LRRIQ3: variants seen among roughly 807,000 people sequenced by gnomAD.
LRRIQ3 encodes the protein leucine-rich repeat and IQ domain-containing protein 3.
Under a neutral mutation model 59.3 loss-of-function variants are expected in LRRIQ3, and 75 were observed. That is an observed-to-expected ratio of 1.26 (90% CI 1.05 to 1.53). The LOEUF (loss-of-function observed/expected upper bound fraction) is 1.53, where lower values mean the gene tolerates loss of function less well. LRRIQ3 is among the 40% of genes most tolerant of loss of function. LRRIQ3 has a pLI of 0.00. For missense variants in LRRIQ3, 831 were observed against 710.0 expected, an observed-to-expected ratio of 1.17 and a Z score of -1.94; for synonymous variants, 250 against 231.3, an observed-to-expected ratio of 1.08 and a Z score of -0.73.
intron 4 of LRRIQ3, among the ~76,000 whole-genome samples, chr1:74,112,683 C>T (rs1478978115): frequency 6.6e-6 from 1 of 152,138 alleles, no homozygotes; most frequent in Non-Finnish European, 1.5e-5. Flanking sequence ...TACCACTGTC[C>T]TACCAAGAGC....
At chr1:74,111,321 C>T (rs1011997151) in intron 4 of LRRIQ3, among the ~76,000 whole-genome samples, 7 of 151,826 alleles carry the variant, frequency 4.6e-5, no homozygotes, top group Non-Finnish European at 1.0e-4. Flanking sequence ...ATAGTCTGGT[C>T]TGGGATAATA....
chr1:74,118,699 T>C (rs1646811419), intron 4 of LRRIQ3, among the ~76,000 whole-genome samples: 1 of 152,030 alleles, frequency 6.6e-6, no homozygotes, highest in South Asian at 2.1e-4. Context: ...GAGATATATA[T>C]ATAGAGAGAG....
chr1:74,052,111 G>C (rs1654388924), intron 6 of LRRIQ3, among the ~76,000 whole-genome samples: 1 of 151,980 alleles, frequency 6.6e-6, no homozygotes, highest in Non-Finnish European at 1.5e-5. Context: ...CTAAGATCAG[G>C]ATCTTAATTT....
In LRRIQ3 at chr1:74,030,599, C is replaced by G. The variant is rs548133391; in HGVS notation, c.1719-3630G>C. On this transcript the variant is annotated intron_variant, in intron 7 of 7. Transcript: ENST00000354431. ...CTGGATCCCTTCCTTACACCTTATA[C>G]AAAAATTAATTCAAGATGGATTAAA... 2.6e-5 allele frequency among the ~76,000 whole-genome samples: 4 copies of G among 152,232 alleles called. No individual in the cohort carries two copies. In the South Asian group the frequency reaches 8.3e-4, roughly 32 times the overall value.
At chr1:74,173,585 T>A (rs1273267026) in intron 3 of LRRIQ3, among the ~76,000 whole-genome samples, 1 of 152,068 alleles carries the variant, frequency 6.6e-6, no homozygotes, top group Non-Finnish European at 1.5e-5. Context: ...TAAGCTGCTA[T>A]AAATTATTGT....
chr1:74,074,576 A>G (rs575777483), intron 6 of LRRIQ3, 85 bp downstream of exon 6: 1 of 595,202 alleles, frequency 1.7e-6, no homozygotes, highest in African/African-American at 2.0e-5. Context: ...ATACTTGCAA[A>G]TCAACATGCC....
intron 3 of LRRIQ3, among the ~76,000 whole-genome samples, chr1:74,156,599 CA>C (rs1299210853): frequency 6.6e-6 from 1 of 152,076 alleles, no homozygotes; most frequent in Non-Finnish European, 1.5e-5. Context: ...GGTAGTGGCA[CA>C]AACAGGTGTC....
chr1:74,157,129 A>T (rs1158081080), intron 3 of LRRIQ3, among the ~76,000 whole-genome samples: 2 of 152,032 alleles, frequency 1.3e-5, no homozygotes, highest in Non-Finnish European at 2.9e-5. Context: ...TTCTATTCCC[A>T]ACATTAGCTA....
intron 4 of LRRIQ3, among the ~76,000 whole-genome samples, chr1:74,122,710 T>G (rs1042110439): frequency 6.6e-6 from 1 of 152,058 alleles, no homozygotes; most frequent in Admixed American, 6.6e-5. Flanking sequence ...ATGTTAGACA[T>G]AAAACCATAA....
intron 4 of LRRIQ3, among the ~76,000 whole-genome samples, chr1:74,112,135 T>C (rs1223096567): frequency 6.6e-6 from 1 of 152,122 alleles, no homozygotes; most frequent in African/African-American, 2.4e-5. Flanking sequence ...AGCACTCTAT[T>C]TGTGAATGTC....
rs139277796 is a variant in LRRIQ3, at chr1:74,152,528, T to C, written c.707+3205A>G. ...GTAGGATTAAGCTAATGAGTAAAATTAATAATGTTGGCAACCAAAATTCAA... is the reference window on the plus strand; with the variant it reads ...GTAGGATTAAGCTAATGAGTAAAATCAATAATGTTGGCAACCAAAATTCAA... On this transcript the variant is annotated intron_variant, in intron 4 of 7. Coordinates refer to ENST00000354431, the MANE Select transcript of LRRIQ3 (RefSeq NM_001105659.2). Among the ~76,000 whole-genome samples the C allele has an allele frequency of 3.8e-3, 576 of 152,256 alleles. 5 individuals carry two copies. The highest frequency in any genetic ancestry group is 0.013 in the African/African-American group (547 of 41,550).
At chr1:74,143,996 A>G (rs1647395458) in intron 4 of LRRIQ3, among the ~76,000 whole-genome samples, 1 of 151,940 alleles carries the variant, frequency 6.6e-6, no homozygotes. Context: ...TCCTTTAAGA[A>G]CTAGTGAAGC....
intron 5 of LRRIQ3, chr1:74,082,192 T>C (rs1335534087): frequency 6.6e-6 from 1 of 151,524 alleles, no homozygotes. Flanking sequence ...TATTTCCCTA[T>C]GTAGATGTGA....
intron 5 of LRRIQ3, among the ~76,000 whole-genome samples, chr1:74,105,256 TA>T (rs1373412781): frequency 0.13 from 1,938 of 15,170 alleles, 33 homozygotes; most frequent in African/African-American, 0.15. Context: ...TGTGTGTGTG[TA>T]TTTTTTTTTT....
At chr1:74,186,275 T>A (rs1352751612) in intron 1 of LRRIQ3, among the ~76,000 whole-genome samples, 1 of 152,016 alleles carries the variant, frequency 6.6e-6, no homozygotes, top group Non-Finnish European at 1.5e-5. Context: ...CAGGAATAAT[T>A]GTTTATTTTA....
At chr1:74,196,002 ATTTT>A (rs566984037) in intron 1 of LRRIQ3, among the ~76,000 whole-genome samples, 1 of 150,120 alleles carries the variant, frequency 6.7e-6, no homozygotes, top group South Asian at 2.1e-4. Flanking sequence ...GTATTTTTTA[ATTTT>A]TTTTTTACTA....
chr1:74,041,629 T>G lies in LRRIQ3; in HGVS notation c.1302A>C (p.Glu434Asp). 1.2e-6 allele frequency: 2 copies of G among 1,613,876 alleles called. No homozygotes were observed. Among genetic ancestry groups the G allele is most frequent in the Non-Finnish European group, 1.7e-6 (2 of 1,179,886 alleles). The change falls in exon 7 of 8, where the codon GAA (glutamate) becomes GAC (aspartate). Residue 434 changes from glutamate (E) to aspartate (D), a missense_variant. Transcript: ENST00000354431. ...CAACTCTTACTTTTTCTTTATGGTATTCCTGCTTCTTTTGTTCTGTGTAAT... is the reference window on the plus strand; with the variant it reads ...CAACTCTTACTTTTTCTTTATGGTAGTCCTGCTTCTTTTGTTCTGTGTAAT... ...DKYYTEQKKQEYHKEKVRVVA... is the reference protein window; with the variant it reads ...DKYYTEQKKQDYHKEKVRVVA...
intron 5 of LRRIQ3, among the ~76,000 whole-genome samples, chr1:74,104,128 C>T (rs772370557): frequency 3.1e-4 from 47 of 151,990 alleles, no homozygotes; most frequent in Admixed American, 1.8e-3. Flanking sequence ...CAACATCATA[C>T]GTAATTAAGG....
intron 4 of LRRIQ3, among the ~76,000 whole-genome samples, chr1:74,149,885 C>T (rs1209255908): frequency 6.6e-6 from 1 of 152,034 alleles, no homozygotes; most frequent in African/African-American, 2.4e-5. Context: ...CTTTTTAATC[C>T]TTAAAACAGT....
Sources: gnomAD v4.1 joint callset for allele counts (sites outside exome capture counted in the v4.1 genomes callset) on GRCh38, gnomAD v4.1.1 for gene constraint, MANE v1.5 for transcripts, NCBI Gene and HGNC (gene_info 2026-07-23, HGNC 2026-07-21) for gene names.